The following SGMS2 variants were observed in gnomAD, a reference collection of about 807,000 sequenced individuals.
SGMS2 encodes the protein sphingomyelin synthase 2.
Under a neutral mutation model 43.8 loss-of-function variants are expected in SGMS2, and 21 were observed. The ratio of observed to expected loss-of-function variants is 0.48; its 90% confidence interval spans 0.34 to 0.69. The LOEUF (loss-of-function observed/expected upper bound fraction) is 0.69, where lower values mean the gene tolerates loss of function less well. SGMS2 is among the 30% of genes least tolerant of loss of function. SGMS2 has a pLI of 0.01. For missense variants in SGMS2, 384 were observed against 443.2 expected, an observed-to-expected ratio of 0.87 and a Z score of 1.20; for synonymous variants, 167 against 160.6, an observed-to-expected ratio of 1.04 and a Z score of -0.30.
chr4:107,869,548 A>T (rs1277706044), intron 2 of SGMS2, among the ~76,000 whole-genome samples: 1 of 152,208 alleles, frequency 6.6e-6, no homozygotes, highest in African/African-American at 2.4e-5. Context: ...TCAGAAGGAC[A>T]TGCCACCATC....
intron 2 of SGMS2, among the ~76,000 whole-genome samples, chr4:107,879,516 C>T (rs1338895615): frequency 6.6e-6 from 1 of 150,746 alleles, no homozygotes; most frequent in East Asian, 2.0e-4. Flanking sequence ...GGCTAGAGTG[C>T]GGTGGCACCA....
At chr4:107,875,747 T>C (rs1728870059) in intron 2 of SGMS2, among the ~76,000 whole-genome samples, 1 of 152,218 alleles carries the variant, frequency 6.6e-6, no homozygotes, top group Non-Finnish European at 1.5e-5. Flanking sequence ...CTACATTGTT[T>C]ATTACTTCAT....
At position 107,912,838 on chromosome 4, in the gene SGMS2, A is replaced by G. The variant is rs1231736014; in HGVS notation, c.*2285A>G. 1 of 152,120 alleles carries G rather than the reference A, an allele frequency of 6.6e-6. No individual in the cohort carries two copies. The highest frequency in any genetic ancestry group is 1.5e-5 in the Non-Finnish European group (1 of 68,022). 9.4% of individuals were successfully genotyped at this position (152,120 alleles called of 1,614,324 possible). A position where few individuals can be genotyped will look rare whatever the true frequency, so the allele number is the denominator to read the frequency against. On this transcript the variant is annotated 3_prime_UTR_variant, in exon 7 of 7. Coordinates refer to ENST00000690982, the MANE Select transcript of SGMS2 (RefSeq NM_001375905.1). ...AAACACCTGTGATGCCAATGTGGAC[A>G]TTGCCGCTGCCATGTCTTTACACGC...
At chr4:107,876,445 CTT>C (rs1728916405) in intron 2 of SGMS2, among the ~76,000 whole-genome samples, 1 of 152,190 alleles carries the variant, frequency 6.6e-6, no homozygotes, top group South Asian at 2.1e-4. Context: ...TTAAAGGTAA[CTT>C]TGCTTAAATC....
intron 2 of SGMS2, among the ~76,000 whole-genome samples, chr4:107,866,312 C>A (rs1432759072): frequency 6.6e-6 from 1 of 152,080 alleles, no homozygotes; most frequent in African/African-American, 2.4e-5. Flanking sequence ...CACCTGTAAT[C>A]CCTAGCACTT....
chr4:107,908,742 T>A lies in SGMS2; in HGVS notation c.894+11T>A. On this transcript the variant is annotated intron_variant, in intron 6 of 6. Transcript: ENST00000690982. ...ATGGCCAATGAAAAGGTGAGAGCAG[T>A]GAAGATGCTTGGATAATTTCTTTTC... is the stretch of plus-strand genomic sequence containing the variant. 6.2e-7 allele frequency: 1 copy of A among 1,606,538 alleles called. No individual in the cohort carries two copies. The highest frequency in any genetic ancestry group is 8.5e-7 in the Non-Finnish European group (1 of 1,175,952).
chr4:107,896,655 A>G (rs1730694841), intron 3 of SGMS2, among the ~76,000 whole-genome samples: 1 of 152,172 alleles, frequency 6.6e-6, no homozygotes, highest in South Asian at 2.1e-4. Context: ...TTCCTTGGAC[A>G]CCACAAAGGA....
Position 107,859,011 on chromosome 4 carries a change from A to G in SGMS2, c.-245+458A>G, listed in dbSNP as rs111529656. On this transcript the variant is annotated intron_variant, in intron 2 of 6. Coordinates refer to ENST00000690982, the MANE Select transcript of SGMS2 (RefSeq NM_001375905.1). Reference sequence around the variant, plus strand: ...AGTTATTCTGTTTTTATAGTTATCTAAACCAAAATTAAAGAGCTGTGGCAG... The same window carrying G: ...AGTTATTCTGTTTTTATAGTTATCTGAACCAAAATTAAAGAGCTGTGGCAG... Among the ~76,000 whole-genome samples, 190 of 152,344 alleles carry G rather than the reference A, an allele frequency of 1.2e-3. 1 individual carries two copies. Among genetic ancestry groups the G allele is most frequent in the African/African-American group, 4.4e-3 (184 of 41,580 alleles).
intron 1 of SGMS2, among the ~76,000 whole-genome samples, chr4:107,848,003 A>C (rs1165961768): frequency 6.6e-6 from 1 of 152,250 alleles, no homozygotes; most frequent in East Asian, 1.9e-4. Flanking sequence ...GTGTAATGAC[A>C]TGTAGCTCTC....
chr4:107,863,685 C>T (rs1015157470), intron 2 of SGMS2: 1 of 152,164 alleles, frequency 6.6e-6, no homozygotes, highest in African/African-American at 2.4e-5. Context: ...ATGTAATGCT[C>T]TGAAGCTAGA....
In SGMS2 at chr4:107,910,738, A is replaced by C; in HGVS notation, c.*185A>C. On this transcript the variant is annotated 3_prime_UTR_variant, in exon 7 of 7. Transcript: ENST00000690982. ...CTGGTTTTCTTCTTCATCCTGAGAAAGATACATTCTCTTGCAGCTCTTCAT... is the reference window on the plus strand; with the variant it reads ...CTGGTTTTCTTCTTCATCCTGAGAACGATACATTCTCTTGCAGCTCTTCAT... 1 of 588,314 alleles carries C rather than the reference A, an allele frequency of 1.7e-6. No homozygotes were observed. Among genetic ancestry groups the C allele is most frequent in the Non-Finnish European group, 3.0e-6 (1 of 338,904 alleles). 36.4% of individuals were successfully genotyped at this position (588,314 alleles called of 1,614,324 possible).
At chr4:107,865,874 C>A (rs1728076301) in intron 2 of SGMS2, among the ~76,000 whole-genome samples, 1 of 152,154 alleles carries the variant, frequency 6.6e-6, no homozygotes. Context: ...GGTGATTCTT[C>A]CATGAATTTA....
chr4:107,842,633 G>A (rs1726586965), intron 1 of SGMS2, among the ~76,000 whole-genome samples: 1 of 152,152 alleles, frequency 6.6e-6, no homozygotes, highest in African/African-American at 2.4e-5. Flanking sequence ...AGAGTAAGGT[G>A]TACACGACTT....
intron 5 of SGMS2, 59 bp downstream of exon 5, chr4:107,903,445 C>T (rs754203088): frequency 1.3e-6 from 2 of 1,541,048 alleles, no homozygotes; most frequent in East Asian, 2.3e-5. Flanking sequence ...TCCCTGGGCC[C>T]TGAAATTGAT....
At chr4:107,874,907 G>A (rs1728795529) in intron 2 of SGMS2, among the ~76,000 whole-genome samples, 1 of 152,082 alleles carries the variant, frequency 6.6e-6, no homozygotes, top group African/African-American at 2.4e-5. Context: ...AGCCAAATTT[G>A]AAGAACATAA....
At position 107,860,590 on chromosome 4, in the gene SGMS2, C is replaced by T. The variant is rs146036842; in HGVS notation, c.-245+2037C>T. ...AGGCTGGAGTGCAATGGTGCGATCT[C>T]GGCGGCTCACTGCAATCTCCACCTC... is the stretch of plus-strand genomic sequence containing the variant. On this transcript the variant is annotated intron_variant, in intron 2 of 6. Coordinates refer to ENST00000690982, the MANE Select transcript of SGMS2 (RefSeq NM_001375905.1). Among the ~76,000 whole-genome samples the T allele has an allele frequency of 8.6e-4, 129 of 150,670 alleles. 5 individuals carry two copies. The East Asian group carries it at 0.023, about 27-fold the overall frequency.
intron 2 of SGMS2, among the ~76,000 whole-genome samples, chr4:107,865,898 G>A (rs1336867894): frequency 2.6e-5 from 4 of 151,992 alleles, no homozygotes; most frequent in Middle Eastern, 3.2e-3. Context: ...TCCTTTTCAT[G>A]TGGCTTATTC....
chr4:107,910,536 A>G lies in SGMS2; in HGVS notation c.1081A>G (p.Asn361Asp). The G allele has an allele frequency of 6.2e-7, 1 of 1,613,996 alleles. No homozygotes were observed. Among genetic ancestry groups the G allele is most frequent in the Non-Finnish European group, 8.5e-7 (1 of 1,179,968 alleles). The part of the protein sequence containing the change: ...YSRVQKIGED[N>D]EKST ...ACGGGTTCAGAAGATTGGTGAAGAC[A>G]ATGAGAAATCGACCTGAGGAGCAAA... The change falls in exon 7 of 7, where the codon AAT becomes GAT. Residue 361 changes from asparagine (N) to aspartate (D), a missense_variant. Asn to Asp is a conservative substitution (Grantham distance 23, BLOSUM62 1). Transcript: ENST00000690982.
At position 107,910,417 on chromosome 4, in the gene SGMS2, T is replaced by C; in HGVS notation, c.962T>C (p.Phe321Ser). The C allele has an allele frequency of 6.2e-7, 1 of 1,614,136 alleles. No individual in the cohort carries two copies. Among genetic ancestry groups the C allele is most frequent in the East Asian group, 2.2e-5 (1 of 44,876 alleles). ...RAWWFPIFYFFEKNVQGSIPC... is the reference protein window; with the variant it reads ...RAWWFPIFYFSEKNVQGSIPC... ...TGGTGGTTCCCCATCTTTTATTTTT[T>C]TGAGAAAAATGTACAAGGCTCAATT... is the stretch of plus-strand genomic sequence containing the variant. The change falls in exon 7 of 7, where the codon TTT becomes TCT. Residue 321 changes from phenylalanine to serine, a missense_variant. Phe to Ser is a radical substitution (Grantham distance 155). Coordinates refer to ENST00000690982, the MANE Select transcript of SGMS2 (RefSeq NM_001375905.1).
Sources: allele counts gnomAD v4.1 joint callset (sites outside exome capture counted in the v4.1 genomes callset), GRCh38; gene constraint gnomAD v4.1.1; transcripts MANE v1.5; gene names NCBI Gene and HGNC (gene_info 2026-07-23, HGNC 2026-07-21).